The following MTOR variants were observed in gnomAD, a reference collection of about 807,000 sequenced individuals.
MTOR encodes the protein serine/threonine-protein kinase mTOR.
A neutral mutation model predicts 319.8 loss-of-function variants in MTOR; 70 were observed. The observed-to-expected ratio is 0.22, with a 90% CI of 0.18 to 0.27. The LOEUF (loss-of-function observed/expected upper bound fraction) is 0.27. Among genes scored for constraint, MTOR ranks in the 10% least tolerant of loss-of-function variants. The pLI is 1.00. For synonymous variants in MTOR, 1,183 were observed against 1,211.4 expected, an observed-to-expected ratio of 0.98 and a Z score of 0.49; for missense variants, 1,890 against 3,274.4, an observed-to-expected ratio of 0.58 and a Z score of 10.32.
At chr1:11,202,060 C>A (rs1201625880) in intron 26 of MTOR, among the ~76,000 whole-genome samples, 2 of 152,208 alleles carry the variant, frequency 1.3e-5, no homozygotes, top group South Asian at 2.1e-4. Context: ...CCTGTCTCAG[C>A]CTCCTAGAGT....
At chr1:11,242,705 A>C (rs1270946664) in intron 9 of MTOR, among the ~76,000 whole-genome samples, 1 of 152,186 alleles carries the variant, frequency 6.6e-6, no homozygotes, top group South Asian at 2.1e-4. Flanking sequence ...CAGGAGGTTT[A>C]AAGAGGTGGA....
intron 49 of MTOR, among the ~76,000 whole-genome samples, chr1:11,120,891 GCTGA>G (rs1369114371): frequency 2.0e-5 from 3 of 152,084 alleles, no homozygotes; most frequent in Admixed American, 2.0e-4. Flanking sequence ...GATATGGAGG[GCTGA>G]CTGTGTATCA....
intron 47 of MTOR, among the ~76,000 whole-genome samples, chr1:11,122,519 T>A (rs1406623158): frequency 7.5e-6 from 1 of 133,734 alleles, no homozygotes; most frequent in Non-Finnish European, 1.6e-5. Context: ...TTTTTTTTTT[T>A]TTTTTTTAGA....
chr1:11,210,766 G>A, intron 24 of MTOR, 48 bp downstream of exon 24: 2 of 1,350,772 alleles, frequency 1.5e-6, no homozygotes, highest in Non-Finnish European at 2.1e-6. Context: ...AGAATATCAA[G>A]TAGTAAAGAC....
chr1:11,108,186 A>C lies in MTOR; in HGVS notation c.7629T>G (p.Ile2543Met). 1 of 1,613,448 alleles carries C rather than the reference A, an allele frequency of 6.2e-7. No individual in the cohort carries two copies. The highest frequency in any genetic ancestry group is 1.7e-5 in the Admixed American group (1 of 60,014). ...TSHENLCQCY[I>M]GWCPFW ...ACTTTGAGAGCCCCACTCACCAGCC[A>C]ATATAGCACTGGCAGAGGTTTTCAT... The change falls in exon 57 of 58, where the codon ATT (isoleucine) becomes ATG (methionine). Residue 2543 changes from isoleucine to methionine, a missense_variant. Ile to Met is a conservative substitution (Grantham distance 10). Around this residue, in one of 15 missense-constraint regions of MTOR, gnomAD observed 31 missense variants for 82.1 expected, o/e 0.38. Coordinates refer to ENST00000361445, the MANE Select transcript of MTOR (RefSeq NM_004958.4).
At chr1:11,186,151 T>C (rs1645315365) in intron 28 of MTOR, among the ~76,000 whole-genome samples, 1 of 152,026 alleles carries the variant, frequency 6.6e-6, no homozygotes, top group Admixed American at 6.6e-5. Flanking sequence ...CTGTGGTTTT[T>C]TCAAAGACTT....
At chr1:11,256,216 A>C (rs752454501) in intron 4 of MTOR, 24 bp from the exon 5 acceptor site, 1 of 1,604,120 alleles carries the variant, frequency 6.2e-7, no homozygotes, top group South Asian at 1.1e-5. Flanking sequence ...CAAACCGAGA[A>C]CTCTCATTGG....
chr1:11,228,935 GA>G lies in MTOR; in HGVS notation c.2780-18del, dbSNP rs1218147365. 1 of 1,613,408 alleles carries G rather than the reference GA, an allele frequency of 6.2e-7. No individual in the cohort carries two copies. Among genetic ancestry groups the G allele is most frequent in the Admixed American group, 1.7e-5 (1 of 60,006 alleles). On this transcript the variant is annotated intron_variant, in intron 18 of 57. Transcript: ENST00000361445. Reference sequence around the variant, plus strand: ...TATAGTCAGCTAGGACAAAACAACAGAGAGTGTTAGAGCTACACATGGCATG... The same window carrying G: ...TATAGTCAGCTAGGACAAAACAACAGGAGTGTTAGAGCTACACATGGCATG...
intron 49 of MTOR, among the ~76,000 whole-genome samples, chr1:11,120,545 TCTCA>T (rs1642467909): frequency 6.8e-6 from 1 of 147,324 alleles, no homozygotes; most frequent in African/African-American, 2.5e-5. Flanking sequence ...AGAGATGGAG[TCTCA>T]CTATGTTGCC....
chr1:11,213,740 C>T (rs1416221158), intron 20 of MTOR, among the ~76,000 whole-genome samples, 174 bp from the exon 21 acceptor site: 2 of 152,200 alleles, frequency 1.3e-5, no homozygotes, highest in Non-Finnish European at 2.9e-5. Context: ...GTTGCAGCTA[C>T]ACTGGACAAA....
chr1:11,121,235 C>T lies in MTOR; in HGVS notation c.6933+11G>A, dbSNP rs968290690. ...CAGGAGAGCGCAGGTCTGCAGGGCC[C>T]AGTGGCCTACCTCGGAGCTGGGGCT... On this transcript the variant is annotated intron_variant, in intron 49 of 57. Coordinates refer to ENST00000361445, the MANE Select transcript of MTOR (RefSeq NM_004958.4). The surrounding 1 kb of genome is among the most constrained non-coding windows in gnomAD (Gnocchi z 4.9). 3.1e-6 allele frequency: 5 copies of T among 1,612,480 alleles called. No homozygotes were observed. The African/African-American group carries it at 5.3e-5, about 17-fold the overall frequency.
At chr1:11,123,754 A>G (rs1039497554) in intron 47 of MTOR, among the ~76,000 whole-genome samples, 2 of 151,912 alleles carry the variant, frequency 1.3e-5, no homozygotes, top group African/African-American at 4.8e-5. Context: ...CATGTGAGCC[A>G]CCATGCCTGG....
At chr1:11,238,749 A>AC in intron 11 of MTOR, 132 bp from the exon 12 acceptor site, 1 of 707,836 alleles carries the variant, frequency 1.4e-6, no homozygotes. Context: ...TCAATACGAT[A>AC]CTGACCCGGA....
chr1:11,238,092 T>A, intron 12 of MTOR, 44 bp from the exon 13 acceptor site: 1 of 1,591,452 alleles, frequency 6.3e-7, no homozygotes, highest in Non-Finnish European at 8.6e-7. Flanking sequence ...CATGATCCCA[T>A]CACTCCAGCC....
chr1:11,249,422 T>C (rs984355155), intron 6 of MTOR, among the ~76,000 whole-genome samples: 2 of 151,906 alleles, frequency 1.3e-5, no homozygotes, highest in African/African-American at 4.8e-5. Context: ...TTTATTTATT[T>C]ATTTATTTAT....
chr1:11,124,343 C>T (rs987207528), intron 47 of MTOR, among the ~76,000 whole-genome samples, 155 bp downstream of exon 47: 19 of 152,212 alleles, frequency 1.2e-4, no homozygotes, highest in Non-Finnish European at 7.3e-5. Flanking sequence ...CTGCCTCAAC[C>T]TCTGGAGTTT....
intron 46 of MTOR, among the ~76,000 whole-genome samples, chr1:11,124,884 T>C (rs1219356712): frequency 6.6e-6 from 1 of 152,246 alleles, no homozygotes; most frequent in East Asian, 1.9e-4. Flanking sequence ...CGGTTAGGCA[T>C]GGAAATGATC....
At chr1:11,227,932 G>C (rs562315552) in intron 19 of MTOR, among the ~76,000 whole-genome samples, 12 of 152,072 alleles carry the variant, frequency 7.9e-5, no homozygotes, top group Admixed American at 2.0e-4. Flanking sequence ...GGAGAGATCG[G>C]ATAAACACCT....
chr1:11,195,806 A>C (rs1320985470), intron 28 of MTOR: 1 of 152,516 alleles, frequency 6.6e-6, no homozygotes, highest in African/African-American at 2.4e-5. Flanking sequence ...AAGCTCAAGG[A>C]GCTTCCTTTT....
Sources: gnomAD v4.1 joint callset for allele counts (sites outside exome capture counted in the v4.1 genomes callset) on GRCh38, gnomAD v4.1.1 for gene constraint, gnomAD v4.1.1 regional missense constraint, Gnocchi (gnomAD v3.1) non-coding constraint, MANE v1.5 for transcripts, NCBI Gene and HGNC (gene_info 2026-07-23, HGNC 2026-07-21) for gene names.